The following GRID2 variants were observed in gnomAD, a reference collection of about 807,000 sequenced individuals.
GRID2 encodes the protein glutamate ionotropic receptor delta type subunit 2, also known as glutamate receptor ionotropic, delta-2.
Under a neutral mutation model 114.8 loss-of-function variants are expected in GRID2, and 33 were observed. That is an observed-to-expected ratio of 0.29 (90% CI 0.22 to 0.38). GRID2 has a LOEUF of 0.38. Among genes scored for constraint, GRID2 ranks in the 10% least tolerant of loss-of-function variants. The probability of loss-of-function intolerance (pLI) is 1.00; values close to 1 mark genes in which losing one functional copy is unlikely to be tolerated. For missense variants in GRID2, 1,184 were observed against 1,257.7 expected (o/e 0.94, Z 0.89); for synonymous variants, 505 against 449.9 (o/e 1.12, Z -1.55).
chr4:93,781,419 G>A lies in GRID2; in HGVS notation c.221+11969G>A, dbSNP rs1434495015. Among the ~76,000 whole-genome samples, 6 of 150,716 alleles carry A rather than the reference G, an allele frequency of 4.0e-5. No homozygotes were observed. In the South Asian group the frequency reaches 8.4e-4, roughly 21 times the overall value. On this transcript the variant is annotated intron_variant, in intron 1 of 1. Transcript: ENST00000637838. Reference sequence around the variant, plus strand: ...GCTGCGGTGAGGCCTACTGGGCTGCGGTGAGGGGCTGCGGTGAGGGGCTGC... The same window carrying A: ...GCTGCGGTGAGGCCTACTGGGCTGCAGTGAGGGGCTGCGGTGAGGGGCTGC...
chr4:92,941,829 C>T (rs1751164934), intron 2 of GRID2, among the ~76,000 whole-genome samples: 1 of 152,116 alleles, frequency 6.6e-6, no homozygotes. Context: ...TTTGTGTACC[C>T]AGTAGTCATT....
chr4:93,590,795 G>T (rs1360512831), intron 13 of GRID2, among the ~76,000 whole-genome samples: 2 of 150,860 alleles, frequency 1.3e-5, no homozygotes, highest in East Asian at 3.9e-4. Flanking sequence ...GGATTCCTAG[G>T]TATTTTATTC....
At chr4:92,775,464 A>G (rs572113931) in intron 2 of GRID2, among the ~76,000 whole-genome samples, 1 of 152,316 alleles carries the variant, frequency 6.6e-6, no homozygotes, top group African/African-American at 2.4e-5. Flanking sequence ...CAACCTTCCA[A>G]GAGGAAGTCT....
intron 2 of GRID2, among the ~76,000 whole-genome samples, chr4:92,643,623 C>T (rs1049163373): frequency 6.6e-6 from 1 of 151,630 alleles, no homozygotes; most frequent in Non-Finnish European, 1.5e-5. Context: ...ATACAGTTAG[C>T]CAGCTAATTA....
At chr4:92,375,497 G>A (rs1729312244) in intron 1 of GRID2, among the ~76,000 whole-genome samples, 1 of 152,144 alleles carries the variant, frequency 6.6e-6, no homozygotes, top group Non-Finnish European at 1.5e-5. Context: ...AAGAGAAAAA[G>A]AGAGGTTACT....
chr4:93,774,669 A>G (rs1271718303), downstream of GRID2: 6 of 152,338 alleles, frequency 3.9e-5, no homozygotes. Flanking sequence ...AGCATAAATC[A>G]CATTAAGTTT....
At chr4:93,526,741 G>A (rs1181243080) in intron 13 of GRID2, among the ~76,000 whole-genome samples, 2 of 152,078 alleles carry the variant, frequency 1.3e-5, no homozygotes, top group African/African-American at 4.8e-5. Flanking sequence ...CCTGGGAGGC[G>A]GAGGTTGCAG....
chr4:92,651,986 A>C (rs573597299), intron 2 of GRID2, among the ~76,000 whole-genome samples: 12 of 152,242 alleles, frequency 7.9e-5, no homozygotes, highest in African/African-American at 2.9e-4. Context: ...ATGTGTCAGG[A>C]GTGGGGACCA....
chr4:92,821,202 A>G (rs1051103308), intron 2 of GRID2, among the ~76,000 whole-genome samples: 2 of 152,188 alleles, frequency 1.3e-5, no homozygotes, highest in African/African-American at 4.8e-5. Context: ...GTTTATTTCT[A>G]AAGTAATGAG....
At chr4:93,075,921 T>G (rs1365941421) in intron 2 of GRID2, among the ~76,000 whole-genome samples, 6 of 112,798 alleles carry the variant, frequency 5.3e-5, no homozygotes, top group Non-Finnish European at 9.0e-5. Context: ...TTTTTTTTTT[T>G]GAGATGGAGT....
chr4:92,887,213 A>T (rs1746437095), intron 2 of GRID2, among the ~76,000 whole-genome samples: 2 of 152,220 alleles, frequency 1.3e-5, no homozygotes, highest in South Asian at 4.1e-4. Flanking sequence ...AAAGCCCAGC[A>T]ACATAATGTC....
Position 93,315,079 on chromosome 4 carries a change from G to A in GRID2, c.1245+76589G>A, listed in dbSNP as rs1323298280. On this transcript the variant is annotated intron_variant, in intron 8 of 15. Transcript: ENST00000282020. ...ACAATGATGGCAGAAGGGGAAGCAG[G>A]AGTGTCTTACATGGTGGCATGTAAG... 1.5e-4 allele frequency among the ~76,000 whole-genome samples: 23 copies of A among 152,138 alleles called. 1 individual carries two copies. The highest frequency in any genetic ancestry group is 1.5e-3 in the Admixed American group (23 of 15,258).
At chr4:92,880,462 T>C (rs1003530556) in intron 2 of GRID2, among the ~76,000 whole-genome samples, 2 of 152,196 alleles carry the variant, frequency 1.3e-5, no homozygotes, top group Admixed American at 6.5e-5. Context: ...TTTCGACTTT[T>C]CTTGTCACAA....
At chr4:93,332,945 A>G (rs539338688) in intron 8 of GRID2, among the ~76,000 whole-genome samples, 10 of 152,158 alleles carry the variant, frequency 6.6e-5, no homozygotes, top group Non-Finnish European at 1.5e-4. Flanking sequence ...AACTAAATGT[A>G]ATAGCAATTT....
At chr4:93,394,595 C>T (rs1765152601) in intron 8 of GRID2, among the ~76,000 whole-genome samples, 1 of 151,878 alleles carries the variant, frequency 6.6e-6, no homozygotes, top group African/African-American at 2.4e-5. Flanking sequence ...CAGGAGGAAA[C>T]AGCACAAATA....
chr4:93,784,827 G>A (rs1177444905), intron 1 of GRID2, among the ~76,000 whole-genome samples: 4 of 152,070 alleles, frequency 2.6e-5, no homozygotes, highest in Non-Finnish European at 5.9e-5. Flanking sequence ...AGGGAGAGAA[G>A]ATGCTCTTCT....
Position 92,718,661 on chromosome 4 carries a change from G to A in GRID2, c.244+128375G>A, listed in dbSNP as rs369403257. On this transcript the variant is annotated intron_variant, in intron 2 of 15. Coordinates refer to ENST00000282020, the MANE Select transcript of GRID2 (RefSeq NM_001510.4). ...GCCTGTAGCCATAGATGATCAGGAG[G>A]CTCAGGCAGGAAGATTGCTTGAACC... Among the ~76,000 whole-genome samples the A allele has an allele frequency of 4.7e-5, 7 of 148,632 alleles. No individual in the cohort carries two copies. In the East Asian group the frequency reaches 1.2e-3, roughly 26 times the overall value.
chr4:92,619,490 A>G (rs934858851), intron 2 of GRID2, among the ~76,000 whole-genome samples: 2 of 151,692 alleles, frequency 1.3e-5, no homozygotes, highest in Middle Eastern at 3.4e-3. Flanking sequence ...TTGTATTGCA[A>G]CCTCAGGTTT....
At chr4:93,062,695 A>C (rs2149294806) in intron 2 of GRID2, among the ~76,000 whole-genome samples, 1 of 152,150 alleles carries the variant, frequency 6.6e-6, no homozygotes, top group Non-Finnish European at 1.5e-5. Flanking sequence ...ATTATGTATT[A>C]TTAAAATAAA....
Sources: allele counts gnomAD v4.1 joint callset (sites outside exome capture counted in the v4.1 genomes callset), GRCh38; gene constraint gnomAD v4.1.1; transcripts MANE v1.5; gene names NCBI Gene and HGNC (gene_info 2026-07-23, HGNC 2026-07-21).